PYM1: variants seen among roughly 807,000 people sequenced by gnomAD.
The protein encoded by PYM1 is partner of Y14 and mago.
Under a neutral mutation model 20.7 loss-of-function variants are expected in PYM1, and 7 were observed. That is an observed-to-expected ratio of 0.34 (90% confidence interval 0.19 to 0.64). The LOEUF (loss-of-function observed/expected upper bound fraction) is 0.64, where lower values mean the gene tolerates loss of function less well. Among genes scored for constraint, PYM1 ranks in the 30% least tolerant of loss-of-function variants. The pLI is 0.74. For missense variants in PYM1, 194 were observed against 250.0 expected (o/e 0.78, Z 1.51); for synonymous variants, 100 against 99.2 (o/e 1.01, Z -0.05).
rs1321814259 is a variant in PYM1, at chr12:55,905,921, T to TATTAGATA, written c.38-2442_38-2441insTATCTAAT. Among the ~76,000 whole-genome samples the TATTAGATA allele has an allele frequency of 7.8e-5, 8 of 103,162 alleles. 1 individual carries two copies. The Middle Eastern group carries it at 0.026, about 336-fold the overall frequency. 67.7% of individuals were successfully genotyped at this position (103,162 alleles called of 152,430 possible). ...ATATATCTAATAGATATATATATTA[T>TATTAGATA]TATATATATCTAATAGATATATATA... On this transcript the variant is annotated intron_variant, in intron 1 of 2. Coordinates refer to ENST00000408946, the MANE Select transcript of PYM1 (RefSeq NM_032345.3).
chr12:55,912,081 G>T (rs1391129991), intron 1 of PYM1, among the ~76,000 whole-genome samples: 1 of 151,966 alleles, frequency 6.6e-6, no homozygotes, highest in Non-Finnish European at 1.5e-5. Context: ...GGGTATAGTG[G>T]CTCATGCCTG....
At chr12:55,910,454 T>C (rs1245405311) in intron 1 of PYM1, among the ~76,000 whole-genome samples, 1 of 151,848 alleles carries the variant, frequency 6.6e-6, no homozygotes, top group Admixed American at 6.6e-5. Context: ...ATTACTGTTT[T>C]TGTTTTTTGA....
In PYM1 at chr12:55,901,611, A is replaced by T. The variant is rs1882688506; in HGVS notation, c.*261T>A. 2 of 428,882 alleles carry T rather than the reference A, an allele frequency of 4.7e-6. No homozygotes were observed. Among genetic ancestry groups the T allele is most frequent in the South Asian group, 9.0e-5 (2 of 22,132 alleles). 26.6% of individuals were successfully genotyped at this position (428,882 alleles called of 1,614,324 possible). ...ATTTTCTTTTAAACAAGACACCCAA[A>T]TCAGCAGCAAAGGTACCTGGGGTAG... On this transcript the variant is annotated 3_prime_UTR_variant, in exon 3 of 3. Coordinates refer to ENST00000408946, the MANE Select transcript of PYM1 (RefSeq NM_032345.3).
chr12:55,910,252 CATATATATATATATAT>C lies in PYM1; in HGVS notation c.38-6788_38-6773del, dbSNP rs71074876. On this transcript the variant is annotated intron_variant, in intron 1 of 2. Coordinates refer to ENST00000408946, the MANE Select transcript of PYM1 (RefSeq NM_032345.3). ...GCTTGAGGTACGGCTTGGTTTTATA[CATATATATATATATAT>C]ATATATATATATATATATAAAATTT... 4.6e-3 allele frequency among the ~76,000 whole-genome samples: 656 copies of C among 142,620 alleles called. 8 individuals carry two copies. The highest frequency in any genetic ancestry group is 0.013 in the African/African-American group (531 of 39,340). The allele number at this position is 142,620 out of a possible 152,430, so 93.6% of individuals were successfully genotyped here.
chr12:55,927,407 C>G, intron 1 of PYM1: 1 of 713,000 alleles, frequency 1.4e-6, no homozygotes, highest in Non-Finnish European at 2.5e-6. Flanking sequence ...AGGAACTCCT[C>G]GTACGTCCAG....
In PYM1 at chr12:55,901,452, T is replaced by TAAA. The variant is rs77650250; in HGVS notation, c.*417_*419dup. On this transcript the variant is annotated 3_prime_UTR_variant, in exon 3 of 3. Coordinates refer to ENST00000408946, the MANE Select transcript of PYM1 (RefSeq NM_032345.3). ...TGTTTATTCTCATTTTTGCTTTTTT[T>TAAA]AAAAAAAAAAAAAAAATGAGGGATG... 1.4e-5 allele frequency: 2 copies of TAAA among 143,790 alleles called. No individual in the cohort carries two copies. Among genetic ancestry groups the TAAA allele is most frequent in the East Asian group, 2.0e-4 (1 of 4,974 alleles). 8.9% of individuals were successfully genotyped at this position (143,790 alleles called of 1,614,324 possible).
chr12:55,927,456 C>CA, intron 1 of PYM1: 1 of 691,634 alleles, frequency 1.4e-6, no homozygotes, highest in Non-Finnish European at 2.6e-6. Flanking sequence ...CACCTGCACC[C>CA]AAAAAGGGGG....
intron 1 of PYM1, among the ~76,000 whole-genome samples, chr12:55,910,280 T>C (rs1481399188): frequency 2.1e-5 from 3 of 146,002 alleles, no homozygotes; most frequent in Non-Finnish European, 3.0e-5. Flanking sequence ...TATATATATA[T>C]ATATATAAAA....
Position 55,919,177 on chromosome 12 carries a change from G to A in PYM1, c.37+8548C>T, listed in dbSNP as rs564396420. On this transcript the variant is annotated intron_variant, in intron 1 of 2. Transcript: ENST00000408946. ...TTTATTTTATTTATCTTTGAGATGA[G>A]GTCACTGTCACCCAGGCTGGAGTGC... Among the ~76,000 whole-genome samples, 6 of 152,216 alleles carry A rather than the reference G, an allele frequency of 3.9e-5. No individual in the cohort carries two copies. The East Asian group carries it at 1.2e-3, about 29-fold the overall frequency.
chr12:55,920,650 GA>G (rs951776401), intron 1 of PYM1, among the ~76,000 whole-genome samples: 191 of 144,648 alleles, frequency 1.3e-3, no homozygotes, highest in Non-Finnish European at 2.4e-3. Context: ...AAAAAAAAAA[GA>G]AAAAAAAAGA....
chr12:55,908,719 C>T (rs1882869531), intron 1 of PYM1, among the ~76,000 whole-genome samples: 1 of 150,760 alleles, frequency 6.6e-6, no homozygotes, highest in African/African-American at 2.4e-5. Context: ...GGAGTGGTGG[C>T]TGGGCGTCTG....
intron 1 of PYM1, among the ~76,000 whole-genome samples, chr12:55,907,543 A>T (rs1309849440): frequency 6.6e-6 from 1 of 150,964 alleles, no homozygotes; most frequent in Non-Finnish European, 1.5e-5. Context: ...TTGAAGCAGG[A>T]GAATCACTTG....
At chr12:55,904,612 A>G (rs71447766) in intron 1 of PYM1, among the ~76,000 whole-genome samples, 20,791 of 143,660 alleles carry the variant, frequency 0.14, 1,697 homozygotes, top group East Asian at 0.19. Context: ...AAAAAAAAAA[A>G]AAAAAAAGAA....
At chr12:55,917,263 T>TA (rs1010944606) in intron 1 of PYM1, among the ~76,000 whole-genome samples, 5 of 147,908 alleles carry the variant, frequency 3.4e-5, no homozygotes, top group Admixed American at 1.3e-4. Flanking sequence ...CTACTAAAAA[T>TA]AAAAAAAATT....
chr12:55,913,737 C>T (rs1396914840), intron 1 of PYM1: 1 of 152,222 alleles, frequency 6.6e-6, no homozygotes, highest in Non-Finnish European at 1.5e-5. Context: ...AAAACAGTGA[C>T]ACAGTGGATT....
At position 55,927,863 on chromosome 12, in the gene PYM1, T is replaced by G. The variant is rs1264563672; in HGVS notation, c.-102A>C. ...GGCGGCGAAGTGATGAGGGCCCTAG[T>G]TGCTTCTCGCCCAGACCTCCTAACC... On this transcript the variant is annotated 5_prime_UTR_variant, in exon 1 of 3. Coordinates refer to ENST00000408946, the MANE Select transcript of PYM1 (RefSeq NM_032345.3). The G allele has an allele frequency of 6.9e-7, 1 of 1,444,576 alleles. No homozygotes were observed. Among genetic ancestry groups the G allele is most frequent in the Non-Finnish European group, 9.3e-7 (1 of 1,080,556 alleles). 89.5% of individuals were successfully genotyped at this position (1,444,576 alleles called of 1,614,324 possible).
chr12:55,919,640 A>G (rs2625148), intron 1 of PYM1, among the ~76,000 whole-genome samples: 2 of 151,630 alleles, frequency 1.3e-5, no homozygotes, highest in Admixed American at 1.3e-4. Flanking sequence ...GCTCACGTCT[A>G]TAATCCCAGC....
chr12:55,909,043 T>C (rs1255849344), intron 1 of PYM1, among the ~76,000 whole-genome samples: 2 of 152,042 alleles, frequency 1.3e-5, no homozygotes, highest in Non-Finnish European at 2.9e-5. Context: ...CAGTTCATGT[T>C]AGGGAATAGG....
chr12:55,901,531 G>T lies in PYM1; in HGVS notation c.*341C>A. 4.5e-6 allele frequency: 1 copy of T among 223,424 alleles called. No homozygotes were observed. Among genetic ancestry groups the T allele is most frequent in the Non-Finnish European group, 8.9e-6 (1 of 112,672 alleles). The allele number at this position is 223,424 out of a possible 1,614,324, so 13.8% of individuals were successfully genotyped here. ...AACAGGAACCAAGACTCCAAGACTT[G>T]GGCATACTCCCTCTACCCTCAGCCT... On this transcript the variant is annotated 3_prime_UTR_variant, in exon 3 of 3. Transcript: ENST00000408946.
Sources: gnomAD v4.1 joint callset for allele counts (sites outside exome capture counted in the v4.1 genomes callset) on GRCh38, gnomAD v4.1.1 for gene constraint, MANE v1.5 for transcripts, NCBI Gene and HGNC (gene_info 2026-07-23, HGNC 2026-07-21) for gene names.